Variants in IQCB1 observed in about 807,000 individuals in gnomAD.
The protein encoded by IQCB1 is IQ motif containing B1, also known as IQ calmodulin-binding motif-containing protein 1.
In IQCB1, 56 loss-of-function variants were observed where a neutral mutation model predicts 84.4. The observed-to-expected ratio is 0.66, with a 90% CI of 0.54 to 0.83. The LOEUF (loss-of-function observed/expected upper bound fraction) is 0.83. Among genes scored for constraint, IQCB1 ranks in the 40% least tolerant of loss-of-function variants. The pLI is 0.00. For synonymous variants in IQCB1, 210 were observed against 234.8 expected (o/e 0.89, Z 0.96); for missense variants, 629 against 682.1 (o/e 0.92, Z 0.87).
At position 121,770,255 on chromosome 3, in the gene IQCB1, T is replaced by A. The variant is rs1288635921; in HGVS notation, c.*90A>T. 3 of 833,206 alleles carry A rather than the reference T, an allele frequency of 3.6e-6. No homozygotes were observed. Among genetic ancestry groups the A allele is most frequent in the African/African-American group, 1.7e-5 (1 of 59,606 alleles). The allele number at this position is 833,206 out of a possible 1,614,324, so 51.6% of individuals were successfully genotyped here. On this transcript the variant is annotated 3_prime_UTR_variant, in exon 15 of 15. Coordinates refer to ENST00000310864, the MANE Select transcript of IQCB1 (RefSeq NM_001023570.4). ...GGAGAACCTCTGGAAAATAATAAGT[T>A]AGGATGGCCCTAGTCTACCAGCATG... is the stretch of plus-strand genomic sequence containing the variant.
chr3:121,817,861 T>G (rs1386456772), intron 5 of IQCB1, among the ~76,000 whole-genome samples: 1 of 151,814 alleles, frequency 6.6e-6, no homozygotes. Context: ...GGAAAAGACA[T>G]GAAAGAGACA....
chr3:121,798,229 A>AG (rs1163537721), intron 8 of IQCB1, among the ~76,000 whole-genome samples: 1 of 151,934 alleles, frequency 6.6e-6, no homozygotes, highest in Non-Finnish European at 1.5e-5. Context: ...GACTAATTCA[A>AG]GGTACATTAT....
At chr3:121,776,098 C>T (rs1482425242) in intron 13 of IQCB1, among the ~76,000 whole-genome samples, 1 of 151,822 alleles carries the variant, frequency 6.6e-6, no homozygotes, top group Non-Finnish European at 1.5e-5. Flanking sequence ...CTCACTCTCT[C>T]ACCCAGGATA....
chr3:121,823,168 GAAC>G (rs1207146962), intron 5 of IQCB1, among the ~76,000 whole-genome samples: 3 of 148,710 alleles, frequency 2.0e-5, no homozygotes, highest in Middle Eastern at 6.8e-3. Flanking sequence ...CTTGAAGACA[GAAC>G]AATAGAAATT....
At chr3:121,818,863 C>G (rs545989591) in intron 5 of IQCB1, among the ~76,000 whole-genome samples, 1 of 152,198 alleles carries the variant, frequency 6.6e-6, no homozygotes, top group East Asian at 1.9e-4. Context: ...TTAAGAGGAC[C>G]TAAATCTGAA....
chr3:121,808,911 C>T lies in IQCB1; in HGVS notation c.487+5G>A, dbSNP rs1276625936. 1.3e-6 allele frequency: 2 copies of T among 1,564,000 alleles called. No homozygotes were observed. The highest frequency in any genetic ancestry group is 1.8e-6 in the Non-Finnish European group (2 of 1,135,032). ...TATTAGTTACATTAAAATCTTTTCT[C>T]TTACCATTCTGAATAAGTTCAACAT... On this transcript the variant is annotated splice_donor_5th_base_variant and intron_variant, in intron 6 of 14. Coordinates refer to ENST00000310864, the MANE Select transcript of IQCB1 (RefSeq NM_001023570.4).
intron 13 of IQCB1, among the ~76,000 whole-genome samples, chr3:121,774,506 A>G (rs1479746049): frequency 6.6e-6 from 1 of 152,240 alleles, no homozygotes; most frequent in Non-Finnish European, 1.5e-5. Flanking sequence ...CATTATTCAC[A>G]ATAGCCAAAG....
intron 12 of IQCB1, 109 bp downstream of exon 12, chr3:121,788,174 GA>G: frequency 1.8e-6 from 2 of 1,117,456 alleles, no homozygotes; most frequent in Non-Finnish European, 2.7e-6. Context: ...TAAGGCTCAA[GA>G]AAACTAAGTG....
intron 12 of IQCB1, among the ~76,000 whole-genome samples, chr3:121,787,748 TCA>T (rs1491570685): frequency 3.5e-4 from 37 of 105,694 alleles, no homozygotes; most frequent in African/African-American, 9.5e-4. Context: ...AGAATCCGTC[TCA>T]AAAAAAAAAA....
At chr3:121,794,762 G>A (rs1183307536) in intron 10 of IQCB1, among the ~76,000 whole-genome samples, 1 of 152,060 alleles carries the variant, frequency 6.6e-6, no homozygotes, top group African/African-American at 2.4e-5. Context: ...TGCATCTGCA[G>A]TTATTAAAAG....
intron 7 of IQCB1, 30 bp from the exon 8 acceptor site, chr3:121,799,404 C>A: frequency 7.6e-7 from 1 of 1,314,518 alleles, no homozygotes; most frequent in Non-Finnish European, 1.1e-6. Flanking sequence ...AAAAAAGTAC[C>A]ATTACTAATT....
intron 7 of IQCB1, among the ~76,000 whole-genome samples, chr3:121,805,655 C>T (rs544471495): frequency 2.0e-5 from 3 of 152,282 alleles, no homozygotes; most frequent in East Asian, 3.9e-4. Flanking sequence ...CAATGACGCA[C>T]TGTTTATGAG....
At chr3:121,779,382 C>A (rs376259571) in intron 13 of IQCB1, among the ~76,000 whole-genome samples, 1 of 152,088 alleles carries the variant, frequency 6.6e-6, no homozygotes, top group African/African-American at 2.4e-5. Context: ...TATGGCTTCA[C>A]CTATATTAAT....
At chr3:121,808,841 T>C (rs1949710382) in intron 6 of IQCB1, 75 bp downstream of exon 6, 2 of 890,274 alleles carry the variant, frequency 2.2e-6, no homozygotes, top group Admixed American at 3.7e-5. Context: ...GGCATTTGTT[T>C]TTGGAAAAAA....
intron 12 of IQCB1, among the ~76,000 whole-genome samples, chr3:121,785,999 T>A (rs1266404884): frequency 9.1e-6 from 1 of 109,502 alleles, no homozygotes; most frequent in Admixed American, 1.0e-4. Flanking sequence ...TGAGACTTAG[T>A]CTCTACTGAA....
chr3:121,817,307 A>AT (rs1204082932), intron 5 of IQCB1, among the ~76,000 whole-genome samples: 1 of 152,026 alleles, frequency 6.6e-6, no homozygotes, highest in Non-Finnish European at 1.5e-5. Context: ...TACCTAATGC[A>AT]TGCAGGGCTT....
intron 4 of IQCB1, among the ~76,000 whole-genome samples, chr3:121,828,242 A>T (rs1950521566): frequency 6.6e-6 from 1 of 152,186 alleles, no homozygotes; most frequent in Non-Finnish European, 1.5e-5. Flanking sequence ...GTGGTGAGAA[A>T]AAAAATGATC....
chr3:121,810,935 C>G (rs1350637419), intron 5 of IQCB1, among the ~76,000 whole-genome samples: 2 of 152,148 alleles, frequency 1.3e-5, no homozygotes, highest in African/African-American at 4.8e-5. Context: ...GAATTTGTAA[C>G]CTGTTACATG....
chr3:121,799,087 C>T, intron 8 of IQCB1, 109 bp downstream of exon 8: 1 of 752,452 alleles, frequency 1.3e-6, no homozygotes, highest in Non-Finnish European at 2.3e-6. Context: ...GTTTTATCTA[C>T]ATAGGTCAGT....
Sources: gnomAD v4.1 joint callset for allele counts (sites outside exome capture counted in the v4.1 genomes callset) on GRCh38, gnomAD v4.1.1 for gene constraint, MANE v1.5 for transcripts, NCBI Gene and HGNC (gene_info 2026-07-23, HGNC 2026-07-21) for gene names.